Variants in ERN1 observed in about 807,000 individuals in gnomAD.
The protein encoded by ERN1 is serine/threonine-protein kinase/endoribonuclease IRE1.
Under a neutral mutation model 113.1 loss-of-function variants are expected in ERN1, and 39 were observed. The ratio of observed to expected loss-of-function variants is 0.34; its 90% CI spans 0.27 to 0.45. The LOEUF (loss-of-function observed/expected upper bound fraction) is 0.45, where lower values mean the gene tolerates loss of function less well. Ranked by LOEUF, ERN1 falls within the 20% of genes least tolerant of loss-of-function variation. The pLI, the probability that ERN1 is intolerant of heterozygous loss-of-function variation, is 1.00. For synonymous variants in ERN1, 507 were observed against 515.9 expected (o/e 0.98, Z 0.23); for missense variants, 976 against 1,274.8 (o/e 0.77, Z 3.57).
intron 9 of ERN1, among the ~76,000 whole-genome samples, chr17:64,064,999 A>G (rs898740545): frequency 1.3e-5 from 2 of 152,200 alleles, no homozygotes; most frequent in Non-Finnish European, 2.9e-5. Context: ...AAAAGGGAAT[A>G]ATCAGGGATT....
intron 15 of ERN1, among the ~76,000 whole-genome samples, chr17:64,053,618 C>T (rs1357468047): frequency 1.3e-5 from 2 of 152,162 alleles, no homozygotes; most frequent in Non-Finnish European, 2.9e-5. Context: ...CCAAATGATA[C>T]TGATATGGTT....
chr17:64,053,932 A>G lies in ERN1; in HGVS notation c.1953+318T>C, dbSNP rs115764509. The G allele has an allele frequency of 2.7e-3, 722 of 262,618 alleles. 2 individuals carry two copies. Among genetic ancestry groups the G allele is most frequent in the African/African-American group, 0.015 (680 of 45,024 alleles). The allele number at this position is 262,618 out of a possible 1,614,324, so 16.3% of individuals were successfully genotyped here. Reference sequence around the variant, plus strand: ...TCAAGCTATTACATTTAAAATTAGTACAATTCACTGTAACTTTTTTTTAAT... The same window carrying G: ...TCAAGCTATTACATTTAAAATTAGTGCAATTCACTGTAACTTTTTTTTAAT... On this transcript the variant is annotated intron_variant, in intron 15 of 21. Coordinates refer to ENST00000433197, the MANE Select transcript of ERN1 (RefSeq NM_001433.5).
intron 5 of ERN1, among the ~76,000 whole-genome samples, chr17:64,074,321 T>C (rs1338504128): frequency 1.3e-5 from 2 of 152,160 alleles, no homozygotes; most frequent in Non-Finnish European, 2.9e-5. Context: ...GAAGACCAGA[T>C]AGGACACAGT....
intron 1 of ERN1, among the ~76,000 whole-genome samples, chr17:64,123,146 C>A (rs1449837244): frequency 1.3e-5 from 2 of 152,072 alleles, no homozygotes; most frequent in Non-Finnish European, 2.9e-5. Context: ...CCAAAAGGGA[C>A]AATCAATGTA....
rs141436931 is a variant in ERN1, at chr17:64,080,812, T to C, written c.176-4A>G. On this transcript the variant is annotated splice_region_variant and splice_polypyrimidine_tract_variant and intron_variant, in intron 2 of 21. Coordinates refer to ENST00000433197, the MANE Select transcript of ERN1 (RefSeq NM_001433.5). ...GTTGGGACCTGCAGGACTGGATCTGTGCAAAAGAACAACAAAGCCATCATC... is the reference window on the plus strand; with the variant it reads ...GTTGGGACCTGCAGGACTGGATCTGCGCAAAAGAACAACAAAGCCATCATC... 3.7e-6 allele frequency: 6 copies of C among 1,609,648 alleles called. No individual in the cohort carries two copies. The highest frequency in any genetic ancestry group is 1.7e-5 in the Admixed American group (1 of 59,406).
intron 1 of ERN1, among the ~76,000 whole-genome samples, chr17:64,106,715 TAC>T (rs58544303): frequency 0.058 from 6,022 of 103,298 alleles, 171 homozygotes; most frequent in Middle Eastern, 0.073. Context: ...CAGGGTTTCT[TAC>T]ACACACACAC....
At chr17:64,114,525 C>T (rs1274862239) in intron 1 of ERN1, among the ~76,000 whole-genome samples, 3 of 152,126 alleles carry the variant, frequency 2.0e-5, no homozygotes, top group Admixed American at 6.5e-5. Context: ...TTTGAGGACC[C>T]GGTGGACCAG....
At chr17:64,064,496 G>A (rs1300067660) in intron 9 of ERN1, among the ~76,000 whole-genome samples, 1 of 152,198 alleles carries the variant, frequency 6.6e-6, no homozygotes, top group Non-Finnish European at 1.5e-5. Flanking sequence ...CCAATGGGGC[G>A]GAATAAAGTC....
At chr17:64,045,037 G>GAGTGACCTCACCTT in intron 20 of ERN1, 110 bp from the exon 21 acceptor site, 1 of 832,042 alleles carries the variant, frequency 1.2e-6, no homozygotes, top group Non-Finnish European at 2.0e-6. Context: ...GAAAGGTGAG[G>GAGTGACCTCACCTT]TCACTCCACA....
chr17:64,068,674 G>A (rs1913316087), intron 6 of ERN1, among the ~76,000 whole-genome samples: 1 of 152,152 alleles, frequency 6.6e-6, no homozygotes, highest in Admixed American at 6.5e-5. Context: ...TAAAACATGT[G>A]GCATTGACTT....
In ERN1 at chr17:64,120,256, C is replaced by T. The variant is rs534934352; in HGVS notation, c.54+9720G>A. ...CCCTGTACAGGTGATTCTCTCACTC[C>T]TAGTGGCCCCTCAGGAGTCATGGGC... On this transcript the variant is annotated intron_variant, in intron 1 of 21. Transcript: ENST00000433197. 2.6e-5 allele frequency among the ~76,000 whole-genome samples: 4 copies of T among 152,264 alleles called. No individual in the cohort carries two copies. In the East Asian group the frequency reaches 7.7e-4, roughly 29 times the overall value.
Position 64,067,022 on chromosome 17 carries a change from T to G in ERN1, c.581-90A>C, listed in dbSNP as rs149469983. On this transcript the variant is annotated intron_variant, in intron 7 of 21. Transcript: ENST00000433197. ...CTTGTGGCAGGCTCTAGTCACTCAG[T>G]TAGAGGAAACAAGACTTCTGGAATA... 2.8e-4 allele frequency: 386 copies of G among 1,401,420 alleles called. No individual in the cohort carries two copies. The East Asian group carries it at 6.8e-3, about 25-fold the overall frequency. 86.8% of individuals were successfully genotyped at this position (1,401,420 alleles called of 1,614,324 possible).
At position 64,063,989 on chromosome 17, in the gene ERN1, T is replaced by TC; in HGVS notation, c.1083dup (p.Ile362AspfsTer5). ...ACTGTGGGAGACCTGCTCTTACCTA[T>TC]CAGAAGCCAGTAATTCCTCAAGTAG... On this transcript the variant is annotated frameshift_variant, in exon 10 of 22. Coordinates refer to ENST00000433197, the MANE Select transcript of ERN1 (RefSeq NM_001433.5). LOFTEE classifies it high-confidence loss of function. This position sits in a 1 kb window ranked among gnomAD's most constrained non-coding sequence, Gnocchi z 5.1. The TC allele has an allele frequency of 6.2e-7, 1 of 1,613,816 alleles. No individual in the cohort carries two copies. Among genetic ancestry groups the TC allele is most frequent in the Non-Finnish European group, 8.5e-7 (1 of 1,179,816 alleles).
At chr17:64,113,336 A>G (rs1914721353) in intron 1 of ERN1, among the ~76,000 whole-genome samples, 1 of 152,200 alleles carries the variant, frequency 6.6e-6, no homozygotes. Flanking sequence ...CATTTTATTA[A>G]ATTCAACCAT....
At chr17:64,113,663 C>T (rs1172962385) in intron 1 of ERN1, among the ~76,000 whole-genome samples, 1 of 151,366 alleles carries the variant, frequency 6.6e-6, no homozygotes, top group African/African-American at 2.4e-5. Flanking sequence ...GCACGAGTCA[C>T]CATGCCGCCA....
Position 64,049,257 on chromosome 17 carries a change from C to G in ERN1, c.2254-55G>C. 1 of 1,503,560 alleles carries G rather than the reference C, an allele frequency of 6.7e-7. No homozygotes were observed. Among genetic ancestry groups the G allele is most frequent in the Non-Finnish European group, 9.0e-7 (1 of 1,111,132 alleles). 93.1% of individuals were successfully genotyped at this position (1,503,560 alleles called of 1,614,324 possible). A position where few individuals can be genotyped will look rare whatever the true frequency, so the allele number is the denominator to read the frequency against. On this transcript the variant is annotated intron_variant, in intron 17 of 21. Coordinates refer to ENST00000433197, the MANE Select transcript of ERN1 (RefSeq NM_001433.5). The surrounding 1 kb of genome is among the most constrained non-coding windows in gnomAD (Gnocchi z 4.7). ...TGGGAGCAGAGTTTTCATCCTCACT[C>G]ACAGTCAGGGAGGGAGGAGCATTGC...
intron 1 of ERN1, among the ~76,000 whole-genome samples, chr17:64,111,231 T>C (rs1567884957): frequency 6.6e-6 from 1 of 152,262 alleles, no homozygotes. Flanking sequence ...TATGTACACA[T>C]TGTGGAATGG....
intron 6 of ERN1, among the ~76,000 whole-genome samples, chr17:64,071,434 A>AG (rs796877053): frequency 2.6e-5 from 4 of 151,270 alleles, no homozygotes; most frequent in African/African-American, 9.7e-5. Context: ...TTTTTTGGGC[A>AG]GGGGGGATGG....
Position 64,063,018 on chromosome 17 carries a change from T to C in ERN1, c.1087+968A>G, listed in dbSNP as rs1482724026. Among the ~76,000 whole-genome samples the C allele has an allele frequency of 1.3e-5, 2 of 152,234 alleles. No individual in the cohort carries two copies. The highest frequency in any genetic ancestry group is 4.1e-4 in the South Asian group (2 of 4,838). ...GCACTGCCTGGCAGATCCTGCTGTTTCCTGGTCCCCACATGCTCCCAGCTG... is the reference window on the plus strand; with the variant it reads ...GCACTGCCTGGCAGATCCTGCTGTTCCCTGGTCCCCACATGCTCCCAGCTG... On this transcript the variant is annotated intron_variant, in intron 10 of 21. Coordinates refer to ENST00000433197, the MANE Select transcript of ERN1 (RefSeq NM_001433.5). The surrounding 1 kb of genome is among the most constrained non-coding windows in gnomAD (Gnocchi z 5.1).
Sources: allele counts gnomAD v4.1 joint callset (sites outside exome capture counted in the v4.1 genomes callset), GRCh38; gene constraint gnomAD v4.1.1; non-coding constraint Gnocchi (gnomAD v3.1); transcripts MANE v1.5; gene names NCBI Gene and HGNC (gene_info 2026-07-23, HGNC 2026-07-21).